PXYLP1: variants seen among roughly 807,000 people sequenced by gnomAD.
PXYLP1 encodes 2-phosphoxylose phosphatase 1.
In PXYLP1, 17 loss-of-function variants were observed where a neutral mutation model predicts 37.9. That is an observed-to-expected ratio of 0.45 (90% CI 0.31 to 0.67). The LOEUF (loss-of-function observed/expected upper bound fraction) is 0.67, where lower values mean the gene tolerates loss of function less well. PXYLP1 is among the 30% of genes least tolerant of loss of function. PXYLP1 has a pLI of 0.07. For synonymous variants in PXYLP1, 221 were observed against 232.2 expected (o/e 0.95, Z 0.44); for missense variants, 511 against 612.0 (o/e 0.84, Z 1.74).
At chr3:141,234,055 GA>G (rs549222107) in intron 1 of PXYLP1, among the ~76,000 whole-genome samples, 1 of 151,518 alleles carries the variant, frequency 6.6e-6, no homozygotes, top group East Asian at 1.9e-4. Flanking sequence ...TGTTTGTGAG[GA>G]AAAAAAATGG....
At chr3:141,260,288 G>C (rs768564838) in intron 2 of PXYLP1, 34 bp downstream of exon 2, 1 of 1,606,384 alleles carries the variant, frequency 6.2e-7, no homozygotes, top group Non-Finnish European at 8.5e-7. Context: ...GTCGTGGGAG[G>C]GTAGGGGCTT....
rs373057932 is a variant in PXYLP1, at chr3:141,293,196, A to T, written c.1434A>T (p.Glu478Asp). Residue 478 changes from glutamate (E) to aspartate (D), a missense_variant, in exon 6 of 6, where the codon GAA (glutamate) becomes GAT (aspartate). Physicochemically the swap from Glu to Asp is conservative, Grantham distance 45. Transcript: ENST00000286353. ...GTNYYDACHR[E>D]GF ...ATTATTATGATGCATGTCACAGGGA[A>T]GGATTCTAAAAGGTATGCAGTACAG... 6.2e-6 allele frequency: 10 copies of T among 1,612,974 alleles called. No individual in the cohort carries two copies. Among genetic ancestry groups the T allele is most frequent in the Middle Eastern group, 1.7e-4 (1 of 6,060 alleles).
At chr3:141,252,026 A>G (rs2148722719) in intron 1 of PXYLP1, among the ~76,000 whole-genome samples, 1 of 152,338 alleles carries the variant, frequency 6.6e-6, no homozygotes, top group South Asian at 2.1e-4. Context: ...AAATGGGCTC[A>G]GAGATTGTTC....
chr3:141,259,054 A>G (rs1243713720), intron 1 of PXYLP1, among the ~76,000 whole-genome samples: 1 of 152,200 alleles, frequency 6.6e-6, no homozygotes, highest in Non-Finnish European at 1.5e-5. Context: ...CTCCTGCTTC[A>G]TTCCCAAAAG....
intron 1 of PXYLP1, among the ~76,000 whole-genome samples, chr3:141,240,643 C>A (rs1434778356): frequency 1.3e-5 from 2 of 152,172 alleles, no homozygotes; most frequent in African/African-American, 4.8e-5. Flanking sequence ...GTCTCTGCTA[C>A]ACTGTCTGCC....
At chr3:141,247,754 C>T (rs772202268) in intron 1 of PXYLP1, among the ~76,000 whole-genome samples, 2 of 152,126 alleles carry the variant, frequency 1.3e-5, no homozygotes, top group Non-Finnish European at 2.9e-5. Flanking sequence ...ATTTGAAAGA[C>T]GTATTAAGTA....
At position 141,250,804 on chromosome 3, in the gene PXYLP1, G is replaced by A. The variant is rs187385533; in HGVS notation, c.-53-9319G>A. ...GGAGTTGCTGAATCAACTAGCCTTG[G>A]AGCTGCTGTCCTAATACTATGGTTT... On this transcript the variant is annotated intron_variant, in intron 1 of 5. Coordinates refer to ENST00000286353, the MANE Select transcript of PXYLP1 (RefSeq NM_001037172.3). 1.2e-4 allele frequency among the ~76,000 whole-genome samples: 19 copies of A among 152,278 alleles called. No individual in the cohort carries two copies. The East Asian group carries it at 3.1e-3, about 25-fold the overall frequency.
rs372695748 is a variant in PXYLP1 at position 141,252,862 on chromosome 3, C to T, written c.-53-7261C>T. 2.0e-4 allele frequency among the ~76,000 whole-genome samples: 30 copies of T among 152,272 alleles called. No individual in the cohort carries two copies. The East Asian group carries it at 5.0e-3, about 25-fold the overall frequency. Reference sequence around the variant, plus strand: ...CCCAGGTGAGAGAGGGTCTGTGGTGCGGCAAAGTGCAAAATGTTCCAGGGG... The same window carrying T: ...CCCAGGTGAGAGAGGGTCTGTGGTGTGGCAAAGTGCAAAATGTTCCAGGGG... On this transcript the variant is annotated intron_variant, in intron 1 of 5. Transcript: ENST00000286353.
At chr3:141,285,499 A>G (rs1358666681) in intron 4 of PXYLP1, among the ~76,000 whole-genome samples, 3 of 152,032 alleles carry the variant, frequency 2.0e-5, no homozygotes, top group Non-Finnish European at 4.4e-5. Context: ...TTGCATGCCA[A>G]AAACAAACAA....
intron 2 of PXYLP1, among the ~76,000 whole-genome samples, chr3:141,269,664 G>A (rs1941614256): frequency 6.6e-6 from 1 of 152,164 alleles, no homozygotes; most frequent in Admixed American, 6.5e-5. Flanking sequence ...TTTCAGAGAT[G>A]AGGATCAATC....
At chr3:141,257,201 A>G (rs1941282138) in intron 1 of PXYLP1, among the ~76,000 whole-genome samples, 1 of 152,206 alleles carries the variant, frequency 6.6e-6, no homozygotes, top group Non-Finnish European at 1.5e-5. Flanking sequence ...TTTGCTTTGT[A>G]TCAAGCAAAC....
intron 1 of PXYLP1, among the ~76,000 whole-genome samples, chr3:141,247,250 G>T (rs1332926871): frequency 6.6e-6 from 1 of 152,252 alleles, no homozygotes; most frequent in African/African-American, 2.4e-5. Context: ...GCACTGGTAG[G>T]TGGGGCCGTG....
chr3:141,248,024 T>TTG (rs1553751211), intron 1 of PXYLP1, among the ~76,000 whole-genome samples: 2 of 26,502 alleles, frequency 7.5e-5, no homozygotes, highest in African/African-American at 1.7e-4. Flanking sequence ...TTTTGTTTTG[T>TTG]TTTTTTTTTT....
At chr3:141,260,314 G>A (rs1476227025) in intron 2 of PXYLP1, 60 bp downstream of exon 2, 8 of 1,550,508 alleles carry the variant, frequency 5.2e-6, no homozygotes, top group East Asian at 2.2e-5. Context: ...GAAACAAGGA[G>A]GCCCCAAAGG....
At chr3:141,242,820 T>C (rs1940843659) in intron 1 of PXYLP1, among the ~76,000 whole-genome samples, 1 of 152,040 alleles carries the variant, frequency 6.6e-6, no homozygotes, top group Admixed American at 6.5e-5. Flanking sequence ...CCATGCCCCC[T>C]GAGGCAGGCA....
rs1263415129 is a variant in PXYLP1, at chr3:141,260,110, G to A, written c.-53-13G>A. On this transcript the variant is annotated splice_polypyrimidine_tract_variant and intron_variant, in intron 1 of 5. Coordinates refer to ENST00000286353, the MANE Select transcript of PXYLP1 (RefSeq NM_001037172.3). ...CTCTAAACACTCATTTATCACCTCT[G>A]CTTTATTCACAGGACATGTTCCCGA... The A allele has an allele frequency of 1.3e-6, 2 of 1,590,092 alleles. No homozygotes were observed. The highest frequency in any genetic ancestry group is 4.5e-5 in the East Asian group (2 of 44,714).
intron 1 of PXYLP1, among the ~76,000 whole-genome samples, chr3:141,257,974 A>G (rs1334458949): frequency 6.6e-6 from 1 of 151,594 alleles, no homozygotes; most frequent in African/African-American, 2.4e-5. Flanking sequence ...AAGTAAGACC[A>G]TAGGAAACAT....
chr3:141,287,591 AC>A, intron 5 of PXYLP1, 138 bp downstream of exon 5: 1 of 900,606 alleles, frequency 1.1e-6, no homozygotes, highest in Non-Finnish European at 1.5e-6. Context: ...GAGCTCGGTC[AC>A]CAGGGCCTCT....
chr3:141,289,900 C>T (rs933787717), intron 5 of PXYLP1, among the ~76,000 whole-genome samples: 8 of 152,182 alleles, frequency 5.3e-5, no homozygotes, highest in African/African-American at 1.9e-4. Context: ...TTGGCCCTCA[C>T]ACACCTAATC....
Sources: gnomAD v4.1 joint callset for allele counts (sites outside exome capture counted in the v4.1 genomes callset) on GRCh38, gnomAD v4.1.1 for gene constraint, MANE v1.5 for transcripts, NCBI Gene and HGNC (gene_info 2026-07-23, HGNC 2026-07-21) for gene names.